HCN4: variants seen among roughly 807,000 people sequenced by gnomAD.
The protein encoded by HCN4 is potassium/sodium hyperpolarization-activated cyclic nucleotide-gated channel 4.
HCN4 carries 29 observed loss-of-function variants against 76.9 expected under a neutral mutation model. The observed-to-expected ratio is 0.38, with a 90% confidence interval of 0.28 to 0.51. The LOEUF (loss-of-function observed/expected upper bound fraction) is 0.51. Among genes scored for constraint, HCN4 ranks in the 20% least tolerant of loss-of-function variants. HCN4 has a pLI of 0.90. For missense variants in HCN4, 1,416 were observed against 1,715.2 expected (o/e 0.83, Z 3.08); for synonymous variants, 772 against 762.5 (o/e 1.01, Z -0.21).
intron 1 of HCN4, among the ~76,000 whole-genome samples, chr15:73,360,875 T>C (rs1291276257): frequency 1.3e-5 from 2 of 152,178 alleles, no homozygotes; most frequent in Non-Finnish European, 2.9e-5. Context: ...CTAAATGGCA[T>C]GAATGACGTG....
chr15:73,333,180 A>C (rs2042942758), intron 2 of HCN4, among the ~76,000 whole-genome samples: 1 of 152,138 alleles, frequency 6.6e-6, no homozygotes, highest in Non-Finnish European at 1.5e-5. Flanking sequence ...GGCATATCCC[A>C]GCCCCTCCTC....
At chr15:73,348,406 A>G (rs2043038535) in intron 1 of HCN4, among the ~76,000 whole-genome samples, 1 of 152,200 alleles carries the variant, frequency 6.6e-6, no homozygotes, top group South Asian at 2.1e-4. Context: ...GCGTGCACAC[A>G]CGCACACACA....
At position 73,368,263 on chromosome 15, in the gene HCN4, T is replaced by C. The variant is rs1267513363; in HGVS notation, c.8A>G (p.Lys3Arg). Residue 3 changes from lysine to arginine, a missense_variant, in exon 1 of 8, where the codon AAG becomes AGG. Physicochemically the swap from Lys to Arg is conservative, Grantham distance 26 (BLOSUM62 2). Coordinates refer to ENST00000261917, the MANE Select transcript of HCN4 (RefSeq NM_005477.3). This position sits in a 1 kb window ranked among gnomAD's most constrained non-coding sequence, Gnocchi z 6.9. ...CCGCTTGCGCATGGACGGCGGCAGC[T>C]TGTCCATGGCGCCAGGGGCCGGGGT... MD[K>R]LPPSMRKRLY... 1.3e-6 allele frequency: 2 copies of C among 1,491,998 alleles called. No homozygotes were observed. Among genetic ancestry groups the C allele is most frequent in the Non-Finnish European group, 8.9e-7 (1 of 1,124,704 alleles). 92.4% of individuals were successfully genotyped at this position (1,491,998 alleles called of 1,614,324 possible).
intron 2 of HCN4, among the ~76,000 whole-genome samples, chr15:73,338,246 G>A (rs1357710359): frequency 6.6e-6 from 1 of 152,206 alleles, no homozygotes; most frequent in Non-Finnish European, 1.5e-5. Flanking sequence ...GCAAATATTT[G>A]CCTTGCTCTT....
rs918010761 is a variant in HCN4 at position 73,323,649 on chromosome 15, C to G, written c.2444G>C (p.Gly815Ala). The G allele has an allele frequency of 1.9e-6, 3 of 1,595,636 alleles. No homozygotes were observed. The African/African-American group carries it at 4.0e-5, about 21-fold the overall frequency. Reference protein sequence around the residue: ...IFRPPPGSGLGNLGAGQTPRH... With the variant: ...IFRPPPGSGLANLGAGQTPRH... Reference sequence around the variant, plus strand: ...TGGCGTCTGCCCGGCACCGAGGTTGCCCAGCCCAGATCCTGGGGGAGGGCG... The same window carrying G: ...TGGCGTCTGCCCGGCACCGAGGTTGGCCAGCCCAGATCCTGGGGGAGGGCG... Residue 815 changes from glycine to alanine, a missense_variant, in exon 8 of 8, where the codon GGC (glycine) becomes GCC (alanine). Gly to Ala is a moderately conservative substitution (Grantham distance 60). This residue lies in a region of HCN4 where 633 missense variants were observed against 579.8 expected (regional missense o/e 1.09). Coordinates refer to ENST00000261917, the MANE Select transcript of HCN4 (RefSeq NM_005477.3).
rs148220500 is a variant in HCN4 at position 73,367,141 on chromosome 15, C to A, written c.785+345G>T. Reference sequence around the variant, plus strand: ...TGACCCGGAGCTGCCTCTAGGATGGCCATCCTGACTCTGCAGCCTTGAAGG... The same window carrying A: ...TGACCCGGAGCTGCCTCTAGGATGGACATCCTGACTCTGCAGCCTTGAAGG... On this transcript the variant is annotated intron_variant, in intron 1 of 7. Transcript: ENST00000261917. This position sits in a 1 kb window ranked among gnomAD's most constrained non-coding sequence, Gnocchi z 7.5. 3.3e-3 allele frequency among the ~76,000 whole-genome samples: 500 copies of A among 152,318 alleles called. 3 individuals carry two copies. Among genetic ancestry groups the A allele is most frequent in the African/African-American group, 0.011 (478 of 41,574 alleles).
At position 73,322,095 on chromosome 15, in the gene HCN4, A is replaced by G. The variant is rs1235617160; in HGVS notation, c.*386T>C. 3.7e-6 allele frequency: 1 copy of G among 273,208 alleles called. No homozygotes were observed. The highest frequency in any genetic ancestry group is 7.1e-6 in the Non-Finnish European group (1 of 141,768). The allele number at this position is 273,208 out of a possible 1,614,324, so 16.9% of individuals were successfully genotyped here. A position where few individuals can be genotyped will look rare whatever the true frequency, so the allele number is the denominator to read the frequency against. Reference sequence around the variant, plus strand: ...CAGAGTGGAGCTCCAAGTTACAGCTAACGGGCTGATGGCAGCTGTTTCTCT... The same window carrying G: ...CAGAGTGGAGCTCCAAGTTACAGCTGACGGGCTGATGGCAGCTGTTTCTCT... On this transcript the variant is annotated 3_prime_UTR_variant, in exon 8 of 8. Transcript: ENST00000261917.
chr15:73,343,368 T>C lies in HCN4; in HGVS notation c.1209+17A>G, dbSNP rs1323400099. 2 of 1,613,072 alleles carry C rather than the reference T, an allele frequency of 1.2e-6. No homozygotes were observed. Among genetic ancestry groups the C allele is most frequent in the African/African-American group, 1.3e-5 (1 of 74,900 alleles). ...GGGAGTGGCCTTTCCCCCAAGAGGT[T>C]TGCACTGACCACTTACCTCTTCCCA... On this transcript the variant is annotated intron_variant, in intron 2 of 7. Coordinates refer to ENST00000261917, the MANE Select transcript of HCN4 (RefSeq NM_005477.3). The surrounding 1 kb of genome is among the most constrained non-coding windows in gnomAD (Gnocchi z 5.7).
At chr15:73,330,716 G>A (rs569054434) in intron 3 of HCN4, among the ~76,000 whole-genome samples, 1 of 152,326 alleles carries the variant, frequency 6.6e-6, no homozygotes, top group South Asian at 2.1e-4. Context: ...GAAGGCGCAG[G>A]AGCCCGTGAG....
chr15:73,364,713 G>A (rs2043120887), intron 1 of HCN4, among the ~76,000 whole-genome samples: 1 of 152,194 alleles, frequency 6.6e-6, no homozygotes, highest in African/African-American at 2.4e-5. Context: ...TTCTATTGGG[G>A]GGTGGGATCG....
chr15:73,335,687 T>C (rs2042960673), intron 2 of HCN4: 1 of 152,230 alleles, frequency 6.6e-6, no homozygotes, highest in Non-Finnish European at 1.5e-5. Flanking sequence ...AATGGTCCCC[T>C]CAGGACATCC....
Position 73,367,653 on chromosome 15 carries a change from C to T in HCN4, c.618G>A (p.Val206=). Residue 206 remains valine, a synonymous_variant, in exon 1 of 8, where the codon GTG becomes GTA. Coordinates refer to ENST00000261917, the MANE Select transcript of HCN4 (RefSeq NM_005477.3). The surrounding 1 kb of genome is among the most constrained non-coding windows in gnomAD (Gnocchi z 7.5). The stretch of plus-strand genomic sequence containing the variant: ...GCATGAAGCCGGCCTGGCCCAGGCG[C>T]ACCTCGGCCTCCGGGAGGATCTGGT... ...AGDQILPEAE[V]RLGQAGFMQR... is the part of the protein sequence containing the mutation. The T allele has an allele frequency of 6.2e-7, 1 of 1,609,966 alleles. No homozygotes were observed. Among genetic ancestry groups the T allele is most frequent in the Non-Finnish European group, 8.5e-7 (1 of 1,179,916 alleles).
At chr15:73,355,781 C>CT (rs2043076119) in intron 1 of HCN4, among the ~76,000 whole-genome samples, 2 of 151,476 alleles carry the variant, frequency 1.3e-5, no homozygotes, top group Non-Finnish European at 2.9e-5. Flanking sequence ...ACACACACAC[C>CT]GCCAAACTGC....
At chr15:73,348,824 A>G (rs1283253903) in intron 1 of HCN4, among the ~76,000 whole-genome samples, 2 of 152,132 alleles carry the variant, frequency 1.3e-5, no homozygotes, top group Non-Finnish European at 2.9e-5. Flanking sequence ...CTTTGCAGAC[A>G]GCTCCCACTC....
At chr15:73,350,892 G>T (rs1021606402) in intron 1 of HCN4, among the ~76,000 whole-genome samples, 1 of 151,950 alleles carries the variant, frequency 6.6e-6, no homozygotes, top group Admixed American at 6.6e-5. Flanking sequence ...CTCTTACCAA[G>T]CTCCTTGAAG....
rs770361300 is a variant in HCN4 at position 73,368,023 on chromosome 15, C to A, written c.248G>T (p.Gly83Val). 1 of 1,421,802 alleles carries A rather than the reference C, an allele frequency of 7.0e-7. No individual in the cohort carries two copies. The highest frequency in any genetic ancestry group is 1.5e-5 in the South Asian group (1 of 68,700). The allele number at this position is 1,421,802 out of a possible 1,614,324, so 88.1% of individuals were successfully genotyped here. Residue 83 changes from glycine (G) to valine (V), a missense_variant, in exon 1 of 8, where the codon GGC becomes GTC. By Grantham distance (109) the Gly-to-Val change is moderately radical. Coordinates refer to ENST00000261917, the MANE Select transcript of HCN4 (RefSeq NM_005477.3). This position sits in a 1 kb window ranked among gnomAD's most constrained non-coding sequence, Gnocchi z 6.9. Reference sequence around the variant, plus strand: ...GCCGTTCGTGCTGGACTTGCCCGCGCCGCGGGCCGGCCCTTCGCTGTCCGC... The same window carrying A: ...GCCGTTCGTGCTGGACTTGCCCGCGACGCGGGCCGGCCCTTCGCTGTCCGC... ...GAADSEGPAR[G>V]AGKSSTNGDC...
Position 73,323,193 on chromosome 15 carries a change from G to A in HCN4, c.2900C>T (p.Ser967Phe). The change falls in exon 8 of 8, where the codon TCC becomes TTC. Residue 967 changes from serine (S) to phenylalanine (F), a missense_variant. Physicochemically the swap from Ser to Phe is radical, Grantham distance 155. Coordinates refer to ENST00000261917, the MANE Select transcript of HCN4 (RefSeq NM_005477.3). ...CAGCTGCCCGGGGCTAGATGACGGG[G>A]ATCTGGATGAGGGTGGGGGTGGCAG... ...HFLPPPPSSR[S>F]PSSSPGQLGQ... 1 of 1,544,214 alleles carries A rather than the reference G, an allele frequency of 6.5e-7. No homozygotes were observed. Among genetic ancestry groups the A allele is most frequent in the Non-Finnish European group, 8.7e-7 (1 of 1,148,516 alleles).
chr15:73,329,410 T>C (rs1033504791), intron 4 of HCN4, among the ~76,000 whole-genome samples, 163 bp downstream of exon 4: 1 of 152,176 alleles, frequency 6.6e-6, no homozygotes, highest in Non-Finnish European at 1.5e-5. Context: ...ACTCAGATTC[T>C]CATCTCAGAG....
Position 73,322,820 on chromosome 15 carries a change from T to G in HCN4, c.3273A>C (p.Pro1091=). The change falls in exon 8 of 8, where the codon CCA becomes CCC. Residue 1091 remains proline (P), a synonymous_variant. Coordinates refer to ENST00000261917, the MANE Select transcript of HCN4 (RefSeq NM_005477.3). ...TCTGCGCCCCGTCCTGAGGCAGGGC[T>G]GGCTGAGACGCGGAGATGAGCTTGA... ...QDLKLISASQ[P]ALPQDGAQTL... 1 of 1,530,212 alleles carries G rather than the reference T, an allele frequency of 6.5e-7. No homozygotes were observed. Among genetic ancestry groups the G allele is most frequent in the Non-Finnish European group, 8.8e-7 (1 of 1,139,894 alleles). 94.8% of individuals were successfully genotyped at this position (1,530,212 alleles called of 1,614,324 possible).
Sources: allele counts gnomAD v4.1 joint callset (sites outside exome capture counted in the v4.1 genomes callset), GRCh38; gene constraint gnomAD v4.1.1; regional missense constraint gnomAD v4.1.1; non-coding constraint Gnocchi (gnomAD v3.1); transcripts MANE v1.5; gene names NCBI Gene and HGNC (gene_info 2026-07-23, HGNC 2026-07-21).